The following SLC39A14 variants were observed in gnomAD, a reference collection of about 807,000 sequenced individuals.
SLC39A14 encodes the protein solute carrier family 39 member 14.
SLC39A14 carries 19 observed loss-of-function variants against 45.5 expected under a neutral mutation model. The observed-to-expected ratio is 0.42, with a 90% CI of 0.29 to 0.61. The LOEUF (loss-of-function observed/expected upper bound fraction) is 0.61. SLC39A14 is among the 20% of genes least tolerant of loss of function. SLC39A14 has a pLI of 0.22. For synonymous variants in SLC39A14, 264 were observed against 251.3 expected (o/e 1.05, Z -0.48); for missense variants, 447 against 616.5 (o/e 0.73, Z 2.91).
chr8:22,391,698 T>C (rs1323821604), intron 1 of SLC39A14, among the ~76,000 whole-genome samples: 1 of 151,954 alleles, frequency 6.6e-6, no homozygotes, highest in Non-Finnish European at 1.5e-5. Context: ...GCCTCCCGAG[T>C]AGCTGGGGTT....
chr8:22,405,747 C>T (rs1835174850), intron 2 of SLC39A14, among the ~76,000 whole-genome samples: 1 of 152,210 alleles, frequency 6.6e-6, no homozygotes, highest in Admixed American at 6.5e-5. Flanking sequence ...ACCGAGGGTC[C>T]CGCAGTGAGT....
intron 4 of SLC39A14, among the ~76,000 whole-genome samples, chr8:22,413,386 G>A (rs750069398): frequency 2.0e-5 from 3 of 152,266 alleles, no homozygotes; most frequent in Non-Finnish European, 2.9e-5. Context: ...TCCCTGAGTC[G>A]AGAACCCAGC....
chr8:22,425,534 CT>C (rs34521121), downstream of SLC39A14, among the ~76,000 whole-genome samples: 199 of 144,374 alleles, frequency 1.4e-3, no homozygotes, highest in Admixed American at 1.5e-3. Context: ...TTTCGGCTGA[CT>C]TTTTTTTTTT....
At chr8:22,376,288 C>T (rs1344355640) in intron 1 of SLC39A14, among the ~76,000 whole-genome samples, 1 of 151,644 alleles carries the variant, frequency 6.6e-6, no homozygotes, top group East Asian at 2.0e-4. Flanking sequence ...TCTCCTGCCT[C>T]AGCCTCCCAA....
intron 1 of SLC39A14, chr8:22,393,080 C>T (rs965148819): frequency 7.3e-5 from 18 of 247,350 alleles, no homozygotes; most frequent in Admixed American, 1.3e-4. Context: ...CTCCCATCAG[C>T]GCGAGGTTTC....
At chr8:22,391,495 A>G (rs1297453366) in intron 1 of SLC39A14, among the ~76,000 whole-genome samples, 1 of 152,068 alleles carries the variant, frequency 6.6e-6, no homozygotes, top group Non-Finnish European at 1.5e-5. Context: ...CTGACTTCAG[A>G]TGATCTGGGT....
intron 1 of SLC39A14, among the ~76,000 whole-genome samples, chr8:22,380,103 A>T (rs1029608645): frequency 6.6e-6 from 1 of 152,206 alleles, no homozygotes; most frequent in East Asian, 1.9e-4. Flanking sequence ...TGCGTAGGTT[A>T]TATGCAAATA....
chr8:22,423,703 G>T (rs1172295621), downstream of SLC39A14, among the ~76,000 whole-genome samples: 2 of 151,844 alleles, frequency 1.3e-5, no homozygotes, highest in South Asian at 4.2e-4. Context: ...CTGACCTCAG[G>T]TGATTAGCCT....
At chr8:22,433,008 T>C (rs911972855) in intron 8 of SLC39A14, among the ~76,000 whole-genome samples, 1 of 151,890 alleles carries the variant, frequency 6.6e-6, no homozygotes, top group Non-Finnish European at 1.5e-5. Context: ...CCTATGTCAT[T>C]GCCCAGGCCG....
downstream of SLC39A14, among the ~76,000 whole-genome samples, chr8:22,424,814 G>A (rs1426260347): frequency 1.3e-5 from 2 of 152,114 alleles, no homozygotes; most frequent in African/African-American, 4.8e-5. Flanking sequence ...ATCACTTGAT[G>A]TCAGGAGTTT....
At chr8:22,410,583 C>A (rs1379866273) in intron 3 of SLC39A14, among the ~76,000 whole-genome samples, 1 of 152,138 alleles carries the variant, frequency 6.6e-6, no homozygotes, top group African/African-American at 2.4e-5. Flanking sequence ...AGCGAGTGTT[C>A]TTTAATTTTG....
Position 22,419,537 on chromosome 8 carries a change from T to C in SLC39A14, c.1333-15T>C. On this transcript the variant is annotated splice_polypyrimidine_tract_variant and intron_variant, in intron 8 of 8. Coordinates refer to ENST00000381237, the MANE Select transcript of SLC39A14 (RefSeq NM_001128431.4). ...GAAGGAATTGCAGCTGTGTTGTTTC[T>C]TGCTTCTTTCCCAGTTCCCTGAGAT... 1 of 1,606,852 alleles carries C rather than the reference T, an allele frequency of 6.2e-7. No individual in the cohort carries two copies. Among genetic ancestry groups the C allele is most frequent in the African/African-American group, 1.3e-5 (1 of 74,768 alleles).
At chr8:22,423,339 TG>T (rs1360142659), downstream of SLC39A14, among the ~76,000 whole-genome samples, 15 of 131,398 alleles carry the variant, frequency 1.1e-4, no homozygotes, top group South Asian at 5.7e-4. Flanking sequence ...GTTGTTGTTT[TG>T]TTTTTTTTTT....
intron 3 of SLC39A14, chr8:22,410,022 A>G: frequency 1.2e-5 from 19 of 1,614,088 alleles, no homozygotes; most frequent in Non-Finnish European, 1.6e-5. Context: ...TGCCCTGCAC[A>G]GAGAAAGCGT....
rs553245263 is a variant in SLC39A14, at chr8:22,419,768, C to T, written c.*70C>T. On this transcript the variant is annotated 3_prime_UTR_variant, in exon 9 of 9. Coordinates refer to ENST00000381237, the MANE Select transcript of SLC39A14 (RefSeq NM_001128431.4). Reference sequence around the variant, plus strand: ...GCCCGATCGCCAGCCCGAGGACTTACCATCCACAATGCACCACGGAAGAGG... The same window carrying T: ...GCCCGATCGCCAGCCCGAGGACTTATCATCCACAATGCACCACGGAAGAGG... 8.0e-5 allele frequency: 121 copies of T among 1,506,974 alleles called. No homozygotes were observed. In the African/African-American group the frequency reaches 1.5e-3, roughly 18 times the overall value. 93.4% of individuals were successfully genotyped at this position (1,506,974 alleles called of 1,614,324 possible). A position where few individuals can be genotyped will look rare whatever the true frequency, so the allele number is the denominator to read the frequency against.
intron 1 of SLC39A14, among the ~76,000 whole-genome samples, chr8:22,389,238 A>T (rs1042314476): frequency 6.6e-6 from 1 of 152,170 alleles, no homozygotes; most frequent in East Asian, 1.9e-4. Flanking sequence ...TATGGGGGGA[A>T]GTGCTAAGAG....
chr8:22,419,463 A>T, intron 8 of SLC39A14, 89 bp from the exon 9 acceptor site: 1 of 1,349,860 alleles, frequency 7.4e-7, no homozygotes, highest in Non-Finnish European at 1.0e-6. Context: ...TTGTCAACCA[A>T]CCTGATCTAT....
intron 8 of SLC39A14, among the ~76,000 whole-genome samples, chr8:22,418,379 G>A (rs1029222955): frequency 1.3e-5 from 2 of 151,936 alleles, no homozygotes; most frequent in African/African-American, 4.8e-5. Flanking sequence ...ATTTATCTAT[G>A]GTCTTTATTA....
At chr8:22,387,131 T>G (rs1275780984) in intron 1 of SLC39A14, among the ~76,000 whole-genome samples, 6 of 150,732 alleles carry the variant, frequency 4.0e-5, no homozygotes, top group Admixed American at 2.0e-4. Flanking sequence ...TGTGATCATG[T>G]CAGTGCACTC....
Sources: allele counts gnomAD v4.1 joint callset (sites outside exome capture counted in the v4.1 genomes callset), GRCh38; gene constraint gnomAD v4.1.1; transcripts MANE v1.5; gene names NCBI Gene and HGNC (gene_info 2026-07-23, HGNC 2026-07-21).